Variants in CFAP299 observed in about 807,000 individuals in gnomAD.
CFAP299 encodes cilia and flagella associated protein 299.
CFAP299 carries 21 observed loss-of-function variants against 27.0 expected under a neutral mutation model. That is an observed-to-expected ratio of 0.78 (90% CI 0.55 to 1.12). CFAP299 has a LOEUF of 1.12. CFAP299 is among the 50% of genes most tolerant of loss of function. CFAP299 has a pLI of 0.00. For missense variants in CFAP299, 310 were observed against 276.6 expected (o/e 1.12, Z -0.86); for synonymous variants, 104 against 98.1 (o/e 1.06, Z -0.36).
intron 2 of CFAP299, among the ~76,000 whole-genome samples, chr4:80,418,122 A>G (rs1473827556): frequency 1.3e-5 from 2 of 152,194 alleles, no homozygotes; most frequent in African/African-American, 2.4e-5. Flanking sequence ...TAGAAAGCCA[A>G]TTAGAAAGAG....
the CFAP299 span, among the ~76,000 whole-genome samples, chr4:80,325,536 T>G: frequency 6.6e-6 from 1 of 152,228 alleles, no homozygotes; most frequent in Non-Finnish European, 1.5e-5. Flanking sequence ...TAAGTTTATT[T>G]TCTACAATGA....
chr4:80,358,079 CTTAATTTCATTA>C (rs1275106201), intron 1 of CFAP299, among the ~76,000 whole-genome samples: 1 of 152,038 alleles, frequency 6.6e-6, no homozygotes, highest in Non-Finnish European at 1.5e-5. Context: ...TGATGTCTGC[CTTAATTTCATTA>C]TTTACTGAAA....
chr4:80,542,855 T>G (rs1734066858), intron 2 of CFAP299, among the ~76,000 whole-genome samples: 1 of 152,022 alleles, frequency 6.6e-6, no homozygotes, highest in Non-Finnish European at 1.5e-5. Context: ...CATATTTGCC[T>G]ATGGTGCCCC....
At chr4:80,576,609 G>A (rs1202969549) in intron 2 of CFAP299, among the ~76,000 whole-genome samples, 2 of 152,066 alleles carry the variant, frequency 1.3e-5, no homozygotes, top group African/African-American at 2.4e-5. Flanking sequence ...AAATAGAACT[G>A]TTTCTGTAAG....
chr4:80,803,030 T>A (rs1054609256), intron 3 of CFAP299, among the ~76,000 whole-genome samples: 2 of 152,092 alleles, frequency 1.3e-5, no homozygotes, highest in Non-Finnish European at 2.9e-5. Context: ...CAGCTCAACT[T>A]TTTTCATCAA....
At chr4:80,767,466 A>G (rs946045154) in intron 3 of CFAP299, among the ~76,000 whole-genome samples, 1 of 151,992 alleles carries the variant, frequency 6.6e-6, no homozygotes, top group African/African-American at 2.4e-5. Flanking sequence ...AAAATTAGCC[A>G]GGCGTGGTGG....
intron 3 of CFAP299, among the ~76,000 whole-genome samples, chr4:80,683,726 T>C (rs904152443): frequency 6.6e-6 from 1 of 152,210 alleles, no homozygotes; most frequent in African/African-American, 2.4e-5. Flanking sequence ...CATGTTTTAA[T>C]GGTGTATGGT....
At chr4:80,537,406 T>A (rs1733796387) in intron 2 of CFAP299, among the ~76,000 whole-genome samples, 1 of 152,170 alleles carries the variant, frequency 6.6e-6, no homozygotes, top group Non-Finnish European at 1.5e-5. Flanking sequence ...TGTAGCATCA[T>A]TCATAATAGC....
chr4:80,353,518 C>T (rs897041120), intron 1 of CFAP299, among the ~76,000 whole-genome samples: 1 of 152,160 alleles, frequency 6.6e-6, no homozygotes, highest in African/African-American at 2.4e-5. Context: ...TATAAATTAT[C>T]CAGATTGCCA....
intron 2 of CFAP299, among the ~76,000 whole-genome samples, chr4:80,577,041 C>G (rs1735903282): frequency 6.6e-6 from 1 of 152,160 alleles, no homozygotes; most frequent in Non-Finnish European, 1.5e-5. Flanking sequence ...TCTCCTACAC[C>G]CCTACTGATT....
At chr4:80,337,061 G>C (rs1254910684) in intron 1 of CFAP299, among the ~76,000 whole-genome samples, 1 of 152,094 alleles carries the variant, frequency 6.6e-6, no homozygotes, top group African/African-American at 2.4e-5. Flanking sequence ...GGCTTCAAAA[G>C]CAAAATTTTA....
rs185085461 is a variant in CFAP299 at position 80,687,544 on chromosome 4, A to G, written c.333+104361A>G. On this transcript the variant is annotated intron_variant, in intron 3 of 5. Transcript: ENST00000358105. ...AGATCAGGGTTTGAGTCTTGTATCC[A>G]ACACTGAAAAAGCATGTACATGCTT... Among the ~76,000 whole-genome samples, 364 of 152,268 alleles carry G rather than the reference A, an allele frequency of 2.4e-3. 1 individual carries two copies. The highest frequency in any genetic ancestry group is 8.3e-3 in the African/African-American group (346 of 41,552).
intron 2 of CFAP299, among the ~76,000 whole-genome samples, chr4:80,465,640 C>A (rs1347871345): frequency 6.6e-6 from 1 of 152,118 alleles, no homozygotes; most frequent in Non-Finnish European, 1.5e-5. Context: ...GCCTCCCAAA[C>A]CCCTATGTAC....
rs1230157876 is a variant in CFAP299 at position 80,662,452 on chromosome 4, A to G, written c.333+79269A>G. 4.0e-5 allele frequency among the ~76,000 whole-genome samples: 6 copies of G among 151,390 alleles called. No homozygotes were observed. The East Asian group carries it at 1.2e-3, about 29-fold the overall frequency. On this transcript the variant is annotated intron_variant, in intron 3 of 5. Coordinates refer to ENST00000358105, the MANE Select transcript of CFAP299 (RefSeq NM_152770.3). ...TGTTGATGGGTTAGGAAGTCTTCAG[A>G]TAATATCAGTAAGGGTGGATAGAGG...
chr4:80,902,337 T>C (rs949097519), intron 4 of CFAP299, among the ~76,000 whole-genome samples: 1 of 147,268 alleles, frequency 6.8e-6, no homozygotes, highest in Non-Finnish European at 1.5e-5. Context: ...TATTATTTTA[T>C]CCATATATAT....
intron 5 of CFAP299, among the ~76,000 whole-genome samples, chr4:80,960,520 A>G (rs181191581): frequency 2.0e-5 from 3 of 151,954 alleles, no homozygotes; most frequent in African/African-American, 7.2e-5. Flanking sequence ...GATTGTACAG[A>G]GGTTCTGAGA....
chr4:80,399,612 G>A (rs1372165394), intron 2 of CFAP299, among the ~76,000 whole-genome samples: 1 of 149,138 alleles, frequency 6.7e-6, no homozygotes, highest in Non-Finnish European at 1.5e-5. Flanking sequence ...AACACCTCAT[G>A]TTCTCACTCA....
chr4:80,684,919 A>G (rs1409798339), intron 3 of CFAP299, among the ~76,000 whole-genome samples: 1 of 152,162 alleles, frequency 6.6e-6, no homozygotes, highest in African/African-American at 2.4e-5. Flanking sequence ...TTTGTCCCCA[A>G]TTTAAAGACT....
At chr4:80,667,505 C>T (rs892221895) in intron 3 of CFAP299, among the ~76,000 whole-genome samples, 6 of 152,138 alleles carry the variant, frequency 3.9e-5, no homozygotes, top group African/African-American at 1.2e-4. Context: ...GCCCCTCAAC[C>T]TTTCCTGTCC....
Sources: allele counts gnomAD v4.1 joint callset (sites outside exome capture counted in the v4.1 genomes callset), GRCh38; gene constraint gnomAD v4.1.1; transcripts MANE v1.5; gene names NCBI Gene and HGNC (gene_info 2026-07-23, HGNC 2026-07-21).